Variants in FGGY observed in about 807,000 individuals in gnomAD.
FGGY encodes the protein FGGY carbohydrate kinase domain containing.
A neutral mutation model predicts 71.3 loss-of-function variants in FGGY; 72 were observed. That is an observed-to-expected ratio of 1.01 (90% confidence interval 0.84 to 1.23). FGGY has a LOEUF of 1.23. FGGY is among the 50% of genes most tolerant of loss of function. FGGY has a pLI of 0.00. For synonymous variants in FGGY, 251 were observed against 250.3 expected, an observed-to-expected ratio of 1.00 and a Z score of -0.02; for missense variants, 668 against 682.3, an observed-to-expected ratio of 0.98 and a Z score of 0.23.
At chr1:59,325,075 G>A (rs1050244175) in intron 2 of FGGY, among the ~76,000 whole-genome samples, 4 of 152,182 alleles carry the variant, frequency 2.6e-5, no homozygotes, top group African/African-American at 4.8e-5. Context: ...AAGCTTAGGC[G>A]GGGCGTGTTG....
intron 4 of FGGY, among the ~76,000 whole-genome samples, chr1:59,372,497 C>A (rs2057854155): frequency 6.6e-6 from 1 of 152,154 alleles, no homozygotes; most frequent in Non-Finnish European, 1.5e-5. Flanking sequence ...GGAGCTGGTA[C>A]CATTCCTTCT....
intron 14 of FGGY, among the ~76,000 whole-genome samples, chr1:59,701,492 A>T (rs375091728): frequency 2.0e-5 from 3 of 152,154 alleles, no homozygotes; most frequent in Admixed American, 1.3e-4. Context: ...AGGCCCATCT[A>T]TCTCTGCTTG....
chr1:59,365,763 T>C (rs952083899), intron 4 of FGGY, among the ~76,000 whole-genome samples: 1 of 152,216 alleles, frequency 6.6e-6, no homozygotes, highest in Non-Finnish European at 1.5e-5. Flanking sequence ...GATGAGATCA[T>C]GCATGTCAAA....
chr1:59,633,536 G>C (rs189351061), intron 10 of FGGY, among the ~76,000 whole-genome samples: 29 of 152,170 alleles, frequency 1.9e-4, no homozygotes, highest in African/African-American at 7.0e-4. Flanking sequence ...CCCATCTTCT[G>C]TATATTCCAG....
chr1:59,450,118 T>G (rs1039448234), intron 5 of FGGY, among the ~76,000 whole-genome samples: 4 of 152,236 alleles, frequency 2.6e-5, no homozygotes, highest in African/African-American at 9.6e-5. Flanking sequence ...CTTCCATATA[T>G]TCTATATAAT....
At chr1:59,470,792 G>A (rs1184589403) in intron 6 of FGGY, among the ~76,000 whole-genome samples, 1 of 152,174 alleles carries the variant, frequency 6.6e-6, no homozygotes, top group African/African-American at 2.4e-5. Flanking sequence ...CAGTAAAAGT[G>A]GACATGTTTA....
At chr1:59,412,051 A>T (rs972391110) in intron 5 of FGGY, among the ~76,000 whole-genome samples, 31 of 152,336 alleles carry the variant, frequency 2.0e-4, no homozygotes, top group African/African-American at 6.7e-4. Context: ...TGCATATCAG[A>T]CATCTCTTGG....
At chr1:59,677,116 G>A (rs538162902) in intron 14 of FGGY, among the ~76,000 whole-genome samples, 32 of 152,286 alleles carry the variant, frequency 2.1e-4, no homozygotes, top group Non-Finnish European at 2.5e-4. Flanking sequence ...TAGACTTGGC[G>A]TCATTTGCTC....
At chr1:59,370,377 AC>A (rs1406758940) in intron 4 of FGGY, among the ~76,000 whole-genome samples, 1 of 152,138 alleles carries the variant, frequency 6.6e-6, no homozygotes, top group African/African-American at 2.4e-5. Flanking sequence ...AAAGAAACAA[AC>A]AAAGCCTCCA....
intron 5 of FGGY, among the ~76,000 whole-genome samples, chr1:59,425,647 A>G (rs1212122732): frequency 6.6e-6 from 1 of 152,130 alleles, no homozygotes; most frequent in African/African-American, 2.4e-5. Context: ...CATGGTCATG[A>G]TTCTCGCCTC....
intron 2 of FGGY, among the ~76,000 whole-genome samples, chr1:59,337,308 C>G (rs921906843): frequency 6.6e-6 from 1 of 152,016 alleles, no homozygotes; most frequent in East Asian, 1.9e-4. Flanking sequence ...AGTCTGATGT[C>G]TAAGGGCAGG....
chr1:59,712,975 GCT>G (rs1428067443), intron 14 of FGGY, among the ~76,000 whole-genome samples: 8 of 152,150 alleles, frequency 5.3e-5, no homozygotes, highest in African/African-American at 1.2e-4. Flanking sequence ...AAACTTTCAT[GCT>G]CTGTTTTCCT....
intron 6 of FGGY, among the ~76,000 whole-genome samples, chr1:59,511,540 T>C (rs529400655): frequency 6.6e-6 from 1 of 152,322 alleles, no homozygotes; most frequent in South Asian, 2.1e-4. Context: ...TGGGTTCTTA[T>C]CTTGTCTTCC....
intron 14 of FGGY, among the ~76,000 whole-genome samples, chr1:59,686,212 C>CA (rs1195365809): frequency 6.6e-6 from 1 of 152,118 alleles, no homozygotes; most frequent in African/African-American, 2.4e-5. Flanking sequence ...CATGTCCCTT[C>CA]ACCTTTTTCC....
At chr1:59,358,376 A>G (rs1372039716) in intron 4 of FGGY, among the ~76,000 whole-genome samples, 1 of 152,192 alleles carries the variant, frequency 6.6e-6, no homozygotes, top group African/African-American at 2.4e-5. Flanking sequence ...TACTAGGTAC[A>G]AAGTACTGTG....
chr1:59,393,111 G>A (rs2153383388), intron 5 of FGGY: 1 of 152,302 alleles, frequency 6.6e-6, no homozygotes, highest in Admixed American at 6.5e-5. Flanking sequence ...GATTCCAAAT[G>A]CCATTCAAAC....
At position 59,667,293 on chromosome 1, in the gene FGGY, G is replaced by A. The variant is rs115580209; in HGVS notation, c.1307G>A (p.Arg436His). 1.0e-4 allele frequency: 168 copies of A among 1,613,982 alleles called. 1 individual carries two copies. The East Asian group carries it at 3.0e-3, about 29-fold the overall frequency. The change falls in exon 13 of 16, where the codon CGC becomes CAC. Residue 436 changes from arginine (R) to histidine (H), a missense_variant. By Grantham distance (29) the Arg-to-His change is conservative. Around this residue, in one of 2 missense-constraint regions of FGGY, gnomAD observed 661 missense variants for 661.6 expected, o/e 1.00. Coordinates refer to ENST00000303721, the MANE Select transcript of FGGY (RefSeq NM_018291.5). ...GCTTTTCCTTTCAAGTTGGGGACTC[G>A]CTTCATTATAGAAGCCATGGAGGCA... ...ATVQAIALGT[R>H]FIIEAMEAAG...
chr1:59,677,673 A>G (rs1483124116), intron 14 of FGGY, among the ~76,000 whole-genome samples: 1 of 152,184 alleles, frequency 6.6e-6, no homozygotes, highest in Non-Finnish European at 1.5e-5. Flanking sequence ...GACTCTGTGT[A>G]TCTCAATTCT....
intron 9 of FGGY, among the ~76,000 whole-genome samples, chr1:59,616,675 A>T (rs1268489966): frequency 6.6e-6 from 1 of 152,052 alleles, no homozygotes; most frequent in Non-Finnish European, 1.5e-5. Context: ...TATTAATTGT[A>T]ATAATTGTAG....
Sources: gnomAD v4.1 joint callset for allele counts (sites outside exome capture counted in the v4.1 genomes callset) on GRCh38, gnomAD v4.1.1 for gene constraint, gnomAD v4.1.1 regional missense constraint, MANE v1.5 for transcripts, NCBI Gene and HGNC (gene_info 2026-07-23, HGNC 2026-07-21) for gene names.